TTC28: variants seen among roughly 807,000 people sequenced by gnomAD.
The protein encoded by TTC28 is tetratricopeptide repeat protein 28.
A neutral mutation model predicts 198.0 loss-of-function variants in TTC28; 61 were observed. That is an observed-to-expected ratio of 0.31 (90% CI 0.25 to 0.38). TTC28 has a LOEUF of 0.38. TTC28 is among the 10% of genes least tolerant of loss of function. The pLI, the probability that TTC28 is intolerant of heterozygous loss-of-function variation, is 1.00. For synonymous variants in TTC28, 1,171 were observed against 1,297.8 expected, an observed-to-expected ratio of 0.90 and a Z score of 2.10; for missense variants, 2,678 against 3,164.0, an observed-to-expected ratio of 0.85 and a Z score of 3.69.
At position 28,012,574 on chromosome 22, in the gene TTC28, C is replaced by T. The variant is rs145356959; in HGVS notation, c.4218+1674G>A. The stretch of plus-strand genomic sequence containing the variant: ...TCACCTAGGCTGGAGTGCAGTGGTA[C>T]GATCATGGCTCATTGCAACCTCGAT... On this transcript the variant is annotated intron_variant, in intron 14 of 22. Coordinates refer to ENST00000397906, the MANE Select transcript of TTC28 (RefSeq NM_001145418.2). Among the ~76,000 whole-genome samples, 1,091 of 152,254 alleles carry T rather than the reference C, an allele frequency of 7.2e-3. 10 individuals carry two copies. Among genetic ancestry groups the T allele is most frequent in the Admixed American group, 8.8e-3 (134 of 15,288 alleles).
intron 5 of TTC28, 132 bp from the exon 6 acceptor site, chr22:28,163,731 G>T: frequency 9.7e-7 from 1 of 1,025,920 alleles, no homozygotes; most frequent in South Asian, 1.7e-5. Context: ...CCCAGCGTGA[G>T]TGACGCAGAA....
intron 2 of TTC28, among the ~76,000 whole-genome samples, chr22:28,591,030 CACACACACACATATATATATATATATAT>C (rs1318764969): frequency 5.8e-5 from 4 of 68,534 alleles, no homozygotes; most frequent in South Asian, 6.2e-4. Flanking sequence ...CACACACACA[CACACACACACATATATATATATATATAT>C]ATATATATAT....
chr22:28,633,320 T>G (rs536023328), intron 1 of TTC28, among the ~76,000 whole-genome samples: 7 of 148,236 alleles, frequency 4.7e-5, no homozygotes, highest in African/African-American at 9.9e-5. Flanking sequence ...AGAAAAAAAA[T>G]TTTTTTTTCA....
intron 2 of TTC28, among the ~76,000 whole-genome samples, chr22:28,474,587 T>G (rs528828051): frequency 1.3e-5 from 2 of 152,316 alleles, no homozygotes; most frequent in South Asian, 4.1e-4. Flanking sequence ...CTCAGAACAC[T>G]GACATCAAGC....
At chr22:28,251,037 A>G (rs1303250206) in intron 5 of TTC28, among the ~76,000 whole-genome samples, 1 of 152,156 alleles carries the variant, frequency 6.6e-6, no homozygotes. Flanking sequence ...AAGAAATTGA[A>G]CTCTGGGTAT....
chr22:28,656,972 TTAAA>T (rs1457659230), intron 1 of TTC28, among the ~76,000 whole-genome samples: 1 of 152,148 alleles, frequency 6.6e-6, no homozygotes, highest in African/African-American at 2.4e-5. Flanking sequence ...CCAGAACTGT[TTAAA>T]TAGTGCTTAC....
chr22:28,650,372 G>A (rs1300694370), intron 1 of TTC28, among the ~76,000 whole-genome samples: 2 of 152,110 alleles, frequency 1.3e-5, no homozygotes, highest in East Asian at 3.8e-4. Context: ...GACAATGAAA[G>A]GTGCAAATCT....
chr22:28,133,210 G>T (rs947136531), intron 6 of TTC28, among the ~76,000 whole-genome samples: 1 of 152,220 alleles, frequency 6.6e-6, no homozygotes, highest in African/African-American at 2.4e-5. Context: ...GTGACAGAGT[G>T]AATGTGACTC....
chr22:28,419,686 G>A (rs775443836), intron 2 of TTC28, among the ~76,000 whole-genome samples: 5 of 152,142 alleles, frequency 3.3e-5, no homozygotes, highest in Non-Finnish European at 7.4e-5. Context: ...AAACTAGAGC[G>A]CTCAATTATG....
At chr22:28,230,311 C>T (rs1928705060) in intron 5 of TTC28, among the ~76,000 whole-genome samples, 1 of 152,238 alleles carries the variant, frequency 6.6e-6, no homozygotes. Context: ...CAGAATTTCT[C>T]AAGGATGAGC....
chr22:28,255,321 C>A (rs1219538606), intron 5 of TTC28, among the ~76,000 whole-genome samples: 1 of 152,120 alleles, frequency 6.6e-6, no homozygotes, highest in Non-Finnish European at 1.5e-5. Context: ...TTCTGGGCAC[C>A]TAAGATTACA....
intron 11 of TTC28, among the ~76,000 whole-genome samples, chr22:28,095,028 C>T (rs1008839942): frequency 6.6e-6 from 1 of 151,998 alleles, no homozygotes; most frequent in African/African-American, 2.4e-5. Context: ...TCCGATATAC[C>T]ACCTGTCAAA....
chr22:28,498,411 A>G (rs1030619881), intron 2 of TTC28, among the ~76,000 whole-genome samples: 9 of 152,220 alleles, frequency 5.9e-5, no homozygotes, highest in African/African-American at 2.2e-4. Flanking sequence ...ATGTGTTCAA[A>G]TGTAAGTTGA....
At chr22:28,122,225 T>C (rs1440114555) in intron 6 of TTC28, among the ~76,000 whole-genome samples, 1 of 152,246 alleles carries the variant, frequency 6.6e-6, no homozygotes, top group Middle Eastern at 3.4e-3. Context: ...GAATGAGTCA[T>C]GAGGTTTGAA....
intron 2 of TTC28, among the ~76,000 whole-genome samples, chr22:28,401,337 C>G (rs1326444203): frequency 6.6e-6 from 1 of 152,034 alleles, no homozygotes; most frequent in Non-Finnish European, 1.5e-5. Context: ...AAACCAGGGC[C>G]AGGCACGGTG....
At chr22:28,261,645 G>A (rs1023440999) in intron 5 of TTC28, among the ~76,000 whole-genome samples, 8 of 152,200 alleles carry the variant, frequency 5.3e-5, no homozygotes, top group South Asian at 4.1e-4. Flanking sequence ...CCTCTCTACC[G>A]AATGCCTCCC....
At chr22:28,111,469 C>T (rs996740908) in intron 6 of TTC28, among the ~76,000 whole-genome samples, 3 of 152,176 alleles carry the variant, frequency 2.0e-5, no homozygotes, top group Non-Finnish European at 2.9e-5. Flanking sequence ...TGGTCCTAAA[C>T]CACTTTTATC....
At chr22:28,097,884 A>C (rs999419959) in intron 10 of TTC28, among the ~76,000 whole-genome samples, 38 of 152,250 alleles carry the variant, frequency 2.5e-4, no homozygotes, top group Admixed American at 6.5e-5. Flanking sequence ...TGCTAGACAG[A>C]CTTAACACTG....
At chr22:28,099,709 AT>A (rs1942086734) in intron 9 of TTC28, among the ~76,000 whole-genome samples, 1 of 152,228 alleles carries the variant, frequency 6.6e-6, no homozygotes, top group African/African-American at 2.4e-5. Flanking sequence ...CCAAGTGCTG[AT>A]TTTTATTAAA....
Sources: gnomAD v4.1 joint callset for allele counts (sites outside exome capture counted in the v4.1 genomes callset) on GRCh38, gnomAD v4.1.1 for gene constraint, MANE v1.5 for transcripts, NCBI Gene and HGNC (gene_info 2026-07-23, HGNC 2026-07-21) for gene names.